The following CTNNA2 variants were observed in gnomAD, a reference collection of about 807,000 sequenced individuals.
The protein encoded by CTNNA2 is catenin alpha-2.
A neutral mutation model predicts 101.0 loss-of-function variants in CTNNA2; 42 were observed. The ratio of observed to expected loss-of-function variants is 0.42; its 90% CI spans 0.32 to 0.54. The LOEUF is 0.54. Ranked by LOEUF, CTNNA2 falls within the 20% of genes least tolerant of loss-of-function variation. The pLI is 0.14. For missense variants in CTNNA2, 871 were observed against 1,223.1 expected (o/e 0.71, Z 4.29); for synonymous variants, 450 against 456.4 (o/e 0.99, Z 0.18).
chr2:80,550,217 A>G (rs1434095773), intron 11 of CTNNA2, among the ~76,000 whole-genome samples: 1 of 152,220 alleles, frequency 6.6e-6, no homozygotes, highest in Non-Finnish European at 1.5e-5. Flanking sequence ...CAGTAGGATT[A>G]TGTTTAAAAA....
At chr2:79,389,143 C>G (rs752648421) in intron 4 of CTNNA2, among the ~76,000 whole-genome samples, 1 of 152,126 alleles carries the variant, frequency 6.6e-6, no homozygotes, top group Non-Finnish European at 1.5e-5. Flanking sequence ...CAAAAGAATA[C>G]AAACAAAAAT....
chr2:80,261,815 A>T (rs1257718208), intron 7 of CTNNA2, among the ~76,000 whole-genome samples: 1 of 152,172 alleles, frequency 6.6e-6, no homozygotes, highest in Non-Finnish European at 1.5e-5. Context: ...CCAACATGAA[A>T]TGAATTTGGT....
intron 4 of CTNNA2, among the ~76,000 whole-genome samples, chr2:79,397,472 T>C (rs1346024688): frequency 7.2e-6 from 1 of 138,116 alleles, no homozygotes; most frequent in Non-Finnish European, 1.7e-5. Flanking sequence ...ACAAGAAAGA[T>C]CCCATTACTA....
chr2:80,159,634 G>T (rs1267404326), intron 7 of CTNNA2, among the ~76,000 whole-genome samples: 1 of 151,762 alleles, frequency 6.6e-6, no homozygotes, highest in Non-Finnish European at 1.5e-5. Flanking sequence ...TGCACCACCA[G>T]AGCTAATTTT....
At chr2:80,367,013 T>G (rs1400777177) in intron 7 of CTNNA2, among the ~76,000 whole-genome samples, 1 of 151,586 alleles carries the variant, frequency 6.6e-6, no homozygotes, top group Non-Finnish European at 1.5e-5. Context: ...TTGCATTTTT[T>G]TTTTTTTTTG....
chr2:80,393,594 T>C (rs1677726872), intron 8 of CTNNA2, among the ~76,000 whole-genome samples: 1 of 152,174 alleles, frequency 6.6e-6, no homozygotes, highest in South Asian at 2.1e-4. Flanking sequence ...CAAATCCAGG[T>C]ATGCCAAGAG....
At chr2:80,402,119 G>T (rs918767697) in intron 8 of CTNNA2, among the ~76,000 whole-genome samples, 1 of 152,110 alleles carries the variant, frequency 6.6e-6, no homozygotes, top group African/African-American at 2.4e-5. Context: ...GTGGCCCACA[G>T]AACTCAGGGA....
intron 7 of CTNNA2, among the ~76,000 whole-genome samples, chr2:80,053,070 T>C (rs966222728): frequency 1.3e-5 from 2 of 152,236 alleles, no homozygotes; most frequent in Non-Finnish European, 1.5e-5. Flanking sequence ...TTTTTAAAGT[T>C]TTAATTTCAG....
chr2:79,390,532 G>A (rs1207422732), intron 4 of CTNNA2, among the ~76,000 whole-genome samples: 2 of 152,088 alleles, frequency 1.3e-5, no homozygotes, highest in Admixed American at 1.3e-4. Flanking sequence ...CACAGTAGTG[G>A]GTCAACAGTT....
intron 18 of CTNNA2, among the ~76,000 whole-genome samples, chr2:80,642,811 G>A (rs987459494): frequency 6.6e-6 from 1 of 152,140 alleles, no homozygotes; most frequent in Non-Finnish European, 1.5e-5. Context: ...GAATTAGGCT[G>A]CACAAATATT....
chr2:79,465,194 C>G (rs545814452), intron 4 of CTNNA2, among the ~76,000 whole-genome samples: 14 of 152,286 alleles, frequency 9.2e-5, no homozygotes, highest in African/African-American at 3.1e-4. Context: ...TTTCAGCTTT[C>G]TACATAGGGT....
chr2:80,036,779 G>A (rs1695680372), intron 7 of CTNNA2, among the ~76,000 whole-genome samples: 1 of 151,736 alleles, frequency 6.6e-6, no homozygotes, highest in Admixed American at 6.6e-5. Context: ...GGACAAAAGA[G>A]AATACCATTC....
chr2:79,680,962 A>G (rs2104639842), intron 2 of CTNNA2, among the ~76,000 whole-genome samples: 1 of 152,320 alleles, frequency 6.6e-6, no homozygotes, highest in Admixed American at 6.5e-5. Flanking sequence ...TGAAGGAACC[A>G]TAGAAGTTTT....
At chr2:80,148,895 C>T (rs1703515016) in intron 7 of CTNNA2, among the ~76,000 whole-genome samples, 1 of 152,090 alleles carries the variant, frequency 6.6e-6, no homozygotes, top group African/African-American at 2.4e-5. Flanking sequence ...TTGTGTGCTC[C>T]ACTCCTCTGT....
chr2:80,494,482 T>TG (rs938750643), intron 9 of CTNNA2, among the ~76,000 whole-genome samples: 2 of 151,874 alleles, frequency 1.3e-5, no homozygotes, highest in Non-Finnish European at 2.9e-5. Context: ...AGATGCATGG[T>TG]GGGGGGGACT....
intron 7 of CTNNA2, among the ~76,000 whole-genome samples, chr2:80,092,952 A>T (rs1699879011): frequency 6.6e-6 from 1 of 152,076 alleles, no homozygotes; most frequent in African/African-American, 2.4e-5. Flanking sequence ...GAAGATAAGG[A>T]TAGAGGCATT....
chr2:79,898,226 C>T (rs537872298), intron 6 of CTNNA2, among the ~76,000 whole-genome samples: 4 of 152,058 alleles, frequency 2.6e-5, no homozygotes, highest in African/African-American at 7.2e-5. Flanking sequence ...CTCTGCCTCC[C>T]GGGTTCAAGT....
At chr2:80,357,167 A>T (rs780706962) in intron 7 of CTNNA2, among the ~76,000 whole-genome samples, 1 of 150,484 alleles carries the variant, frequency 6.6e-6, no homozygotes, top group African/African-American at 2.5e-5. Context: ...GTACCTGTTC[A>T]TCACCACAGA....
intron 7 of CTNNA2, among the ~76,000 whole-genome samples, chr2:80,179,554 TA>T (rs1293160887): frequency 6.6e-6 from 1 of 152,034 alleles, no homozygotes; most frequent in Non-Finnish European, 1.5e-5. Context: ...TTTGTATTTT[TA>T]GTAGAGAAGG....
Sources: gnomAD v4.1 joint callset for allele counts (sites outside exome capture counted in the v4.1 genomes callset) on GRCh38, gnomAD v4.1.1 for gene constraint, MANE v1.5 for transcripts, NCBI Gene and HGNC (gene_info 2026-07-23, HGNC 2026-07-21) for gene names.